The following TRAPPC12 variants were observed in gnomAD, a reference collection of about 807,000 sequenced individuals.
The protein encoded by TRAPPC12 is trafficking protein particle complex subunit 12.
Under a neutral mutation model 69.2 loss-of-function variants are expected in TRAPPC12, and 61 were observed. The ratio of observed to expected loss-of-function variants is 0.88; its 90% confidence interval spans 0.72 to 1.09. The LOEUF (loss-of-function observed/expected upper bound fraction) is 1.09, where lower values mean the gene tolerates loss of function less well. TRAPPC12 is among the 50% of genes least tolerant of loss of function. TRAPPC12 has a pLI of 0.00. For missense variants in TRAPPC12, 1,101 were observed against 1,016.4 expected, an observed-to-expected ratio of 1.08 and a Z score of -1.13; for synonymous variants, 469 against 438.9, an observed-to-expected ratio of 1.07 and a Z score of -0.86.
chr2:3,415,043 C>T (rs969910134), intron 3 of TRAPPC12, among the ~76,000 whole-genome samples: 45 of 152,112 alleles, frequency 3.0e-4, no homozygotes, highest in Non-Finnish European at 4.9e-4. Flanking sequence ...GATTTGGTAT[C>T]CCAGGAGTCC....
At chr2:3,441,268 A>G (rs1664183853) in intron 5 of TRAPPC12, among the ~76,000 whole-genome samples, 1 of 152,174 alleles carries the variant, frequency 6.6e-6, no homozygotes, top group African/African-American at 2.4e-5. Context: ...AACTGGTAGC[A>G]TTTCTTCCAT....
At chr2:3,400,026 C>A (rs1400522105) in intron 2 of TRAPPC12, among the ~76,000 whole-genome samples, 2 of 152,220 alleles carry the variant, frequency 1.3e-5, no homozygotes, top group Non-Finnish European at 2.9e-5. Context: ...TTCTCCACCC[C>A]CCATCTTGGG....
chr2:3,401,246 A>C (rs1661427490), intron 2 of TRAPPC12, among the ~76,000 whole-genome samples: 1 of 152,140 alleles, frequency 6.6e-6, no homozygotes, highest in Admixed American at 6.5e-5. Flanking sequence ...TTGGTAATTT[A>C]ACTTCTTTAG....
chr2:3,403,029 C>T (rs555562380), intron 3 of TRAPPC12, among the ~76,000 whole-genome samples: 4 of 152,248 alleles, frequency 2.6e-5, no homozygotes, highest in East Asian at 3.9e-4. Context: ...TGTTGAAATG[C>T]GCCCTTATCC....
intron 3 of TRAPPC12, among the ~76,000 whole-genome samples, chr2:3,415,720 C>CTT (rs71396990): frequency 0.011 from 1,444 of 134,234 alleles, 34 homozygotes; most frequent in Middle Eastern, 0.034. Flanking sequence ...CACTTCTTTT[C>CTT]TTTTTTTTTT....
chr2:3,460,044 C>T (rs77112847), intron 7 of TRAPPC12: 9,733 of 626,672 alleles, frequency 0.016, 184 homozygotes, highest in East Asian at 0.063. Flanking sequence ...TCTCTGATGC[C>T]GAGGGTCTCT....
chr2:3,422,294 G>A (rs777522241), intron 4 of TRAPPC12, among the ~76,000 whole-genome samples: 2 of 152,176 alleles, frequency 1.3e-5, no homozygotes, highest in Admixed American at 6.5e-5. Context: ...CAACTGGCCT[G>A]TGCGGGGCTC....
At chr2:3,451,022 G>A (rs913832137) in intron 6 of TRAPPC12, among the ~76,000 whole-genome samples, 1 of 152,188 alleles carries the variant, frequency 6.6e-6, no homozygotes, top group African/African-American at 2.4e-5. Flanking sequence ...TGCATAGGAT[G>A]AGAACATAGA....
Position 3,421,624 on chromosome 2 carries a change from T to C in TRAPPC12, c.1165-257T>C, listed in dbSNP as rs1439592274. The C allele has an allele frequency of 1.3e-5, 9 of 692,846 alleles. No individual in the cohort carries two copies. The African/African-American group carries it at 1.6e-4, about 12-fold the overall frequency. 42.9% of individuals were successfully genotyped at this position (692,846 alleles called of 1,614,324 possible). ...CCCGATGTTCTATCGGTTGTTGAAT[T>C]GTAATGTTTTTATGATTTGATCGGC... is the stretch of plus-strand genomic sequence containing the variant. On this transcript the variant is annotated intron_variant, in intron 3 of 11. Coordinates refer to ENST00000324266, the MANE Select transcript of TRAPPC12 (RefSeq NM_016030.6).
chr2:3,465,041 C>T (rs978932955), intron 8 of TRAPPC12, among the ~76,000 whole-genome samples: 1 of 152,242 alleles, frequency 6.6e-6, no homozygotes, highest in African/African-American at 2.4e-5. Flanking sequence ...GCGTGCCGCA[C>T]GGAGCACACG....
chr2:3,464,449 G>GT (rs1443455593), intron 8 of TRAPPC12, among the ~76,000 whole-genome samples: 1 of 151,490 alleles, frequency 6.6e-6, no homozygotes, highest in African/African-American at 2.4e-5. Flanking sequence ...TAGCAAGCCA[G>GT]TAACTCCAGT....
Position 3,388,230 on chromosome 2 carries a change from A to T in TRAPPC12, c.607A>T (p.Ser203Cys). 6.2e-7 allele frequency: 1 copy of T among 1,608,652 alleles called. No homozygotes were observed. Among genetic ancestry groups the T allele is most frequent in the Non-Finnish European group, 8.5e-7 (1 of 1,177,738 alleles). The part of the protein sequence containing the change: ...ARTPPQVVQP[S>C]PSLSTFFGDT... ...GACACCGCCCCAGGTCGTGCAGCCC[A>T]GCCCCAGCCTCAGCACGTTCTTCGG... The change falls in exon 2 of 12, where the codon AGC (serine) becomes TGC (cysteine). Residue 203 changes from serine to cysteine, a missense_variant. Physicochemically the swap from Ser to Cys is moderately radical, Grantham distance 112. Transcript: ENST00000324266.
chr2:3,458,274 T>G, intron 7 of TRAPPC12: 1 of 987,042 alleles, frequency 1.0e-6, no homozygotes, highest in Non-Finnish European at 1.2e-6. Context: ...GGAGCAAGCT[T>G]CCGATCATGC....
At position 3,477,714 on chromosome 2, in the gene TRAPPC12, C is replaced by G. The variant is rs553870873; in HGVS notation, c.1796C>G (p.Ala599Gly). ...ISLQIGDIKT[A>G]EKYFQDVEKV... is the part of the protein sequence containing the mutation. ...AAGCAGATTGGAGACATAAAAACAGCTGAAAAGTATTTTCAAGACGTTGAG... is the reference window on the plus strand; with the variant it reads ...AAGCAGATTGGAGACATAAAAACAGGTGAAAAGTATTTTCAAGACGTTGAG... The change falls in exon 10 of 12, where the codon GCT (alanine) becomes GGT (glycine). Residue 599 changes from alanine to glycine, a missense_variant. Coordinates refer to ENST00000324266, the MANE Select transcript of TRAPPC12 (RefSeq NM_016030.6). 2 of 1,605,444 alleles carry G rather than the reference C, an allele frequency of 1.2e-6. No individual in the cohort carries two copies. Among genetic ancestry groups the G allele is most frequent in the East Asian group, 2.2e-5 (1 of 44,748 alleles).
In TRAPPC12 at chr2:3,421,484, C is replaced by T. The variant is rs549852083; in HGVS notation, c.1165-397C>T. ...ACAAATAAATATGTCCAACACATAG[C>T]ATAAAATTTCCTTATTGATTTTAAA... On this transcript the variant is annotated intron_variant, in intron 3 of 11. Transcript: ENST00000324266. 2.6e-5 allele frequency among the ~76,000 whole-genome samples: 4 copies of T among 152,338 alleles called. No homozygotes were observed. In the South Asian group the frequency reaches 8.3e-4, roughly 32 times the overall value.
chr2:3,387,797 C>G lies in TRAPPC12; in HGVS notation c.174C>G (p.Leu58=), dbSNP rs768890672. ...CCGCATCGGAAGGCTCGAGTCCTCT[C>G]GCGGACAAGCTGAACGAACACATGA... ...NETASEGSSP[L]ADKLNEHMME... Residue 58 remains leucine, a synonymous_variant, in exon 2 of 12, where the codon CTC becomes CTG. Coordinates refer to ENST00000324266, the MANE Select transcript of TRAPPC12 (RefSeq NM_016030.6). The G allele has an allele frequency of 6.2e-6, 10 of 1,613,482 alleles. No individual in the cohort carries two copies. The highest frequency in any genetic ancestry group is 8.5e-6 in the Non-Finnish European group (10 of 1,179,656).
chr2:3,416,475 C>T (rs1662401002), intron 3 of TRAPPC12, among the ~76,000 whole-genome samples: 1 of 150,236 alleles, frequency 6.7e-6, no homozygotes, highest in Non-Finnish European at 1.5e-5. Context: ...CACACCCCTA[C>T]CCCTTCACTG....
At chr2:3,457,834 T>A in intron 7 of TRAPPC12, 141 bp downstream of exon 7, 5 of 1,455,720 alleles carry the variant, frequency 3.4e-6, no homozygotes, top group Non-Finnish European at 4.5e-6. Context: ...TGCAACTCAC[T>A]CCTTTCTTGG....
chr2:3,426,436 G>A (rs531300259), intron 5 of TRAPPC12, among the ~76,000 whole-genome samples: 3 of 152,354 alleles, frequency 2.0e-5, no homozygotes, highest in African/African-American at 4.8e-5. Flanking sequence ...CCACTGGCCT[G>A]TCCAGTCCTG....
Sources: allele counts gnomAD v4.1 joint callset (sites outside exome capture counted in the v4.1 genomes callset), GRCh38; gene constraint gnomAD v4.1.1; transcripts MANE v1.5; gene names NCBI Gene and HGNC (gene_info 2026-07-23, HGNC 2026-07-21).